The following DAB2 variants were observed in gnomAD, a reference collection of about 807,000 sequenced individuals.
DAB2 encodes DAB adaptor protein 2.
In DAB2, 28 loss-of-function variants were observed where a neutral mutation model predicts 71.6. That is an observed-to-expected ratio of 0.39 (90% CI 0.29 to 0.54). The LOEUF (loss-of-function observed/expected upper bound fraction) is 0.54, where lower values mean the gene tolerates loss of function less well. Ranked by LOEUF, DAB2 falls within the 20% of genes least tolerant of loss-of-function variation. The probability of loss-of-function intolerance (pLI) is 0.68; values close to 1 mark genes in which losing one functional copy is unlikely to be tolerated. For synonymous variants in DAB2, 345 were observed against 339.7 expected, an observed-to-expected ratio of 1.02 and a Z score of -0.17; for missense variants, 867 against 928.8, an observed-to-expected ratio of 0.93 and a Z score of 0.86.
At chr5:39,404,297 T>C (rs988130286) in intron 1 of DAB2, among the ~76,000 whole-genome samples, 31 of 148,698 alleles carry the variant, frequency 2.1e-4, no homozygotes, top group African/African-American at 7.2e-4. Flanking sequence ...TAATGTTAAA[T>C]GACGAGTTGA....
intron 12 of DAB2, 68 bp downstream of exon 12, chr5:39,376,582 A>G: frequency 1.9e-6 from 3 of 1,547,006 alleles, no homozygotes; most frequent in Non-Finnish European, 8.8e-7. Context: ...CATTTGGGGA[A>G]CTCATTTAGG....
In DAB2 at chr5:39,376,651, A is replaced by G. The variant is rs1337164977; in HGVS notation, c.2136T>C (p.Asn712=). ...TAGGCAGAGTGGTGAGTGGCTTACCATTGATCTTGTTCAATAGTTGATTAG... is the reference window on the plus strand; with the variant it reads ...TAGGCAGAGTGGTGAGTGGCTTACCGTTGATCTTGTTCAATAGTTGATTAG... ...FDANQLLNKI[N]EPPKPAPRQV... is the part of the protein sequence containing the mutation. The change falls in exon 12 of 15, where the codon AAT becomes AAC. Residue 712 remains asparagine (N), a splice_region_variant and synonymous_variant. Coordinates refer to ENST00000320816, the MANE Select transcript of DAB2 (RefSeq NM_001343.4). 3 of 1,613,600 alleles carry G rather than the reference A, an allele frequency of 1.9e-6. No individual in the cohort carries two copies. Among genetic ancestry groups the G allele is most frequent in the Admixed American group, 3.3e-5 (2 of 60,010 alleles).
At chr5:39,387,057 TA>T (rs1299279618) in intron 9 of DAB2, among the ~76,000 whole-genome samples, 1 of 152,204 alleles carries the variant, frequency 6.6e-6, no homozygotes, top group East Asian at 1.9e-4. Context: ...AAAGGCATTT[TA>T]GAATGCTACC....
In DAB2 at chr5:39,375,150, GA is replaced by G. The variant is rs1754795323; in HGVS notation, c.2248-67del. ...GTCATAAGAAAAAAATCGCAATGAA[GA>G]CTTCCAAAATTCTTTTAAAAATCGC... On this transcript the variant is annotated intron_variant, in intron 13 of 14. Transcript: ENST00000320816. 5 of 1,200,094 alleles carry G rather than the reference GA, an allele frequency of 4.2e-6. No homozygotes were observed. The East Asian group carries it at 1.2e-4, about 28-fold the overall frequency. The allele number at this position is 1,200,094 out of a possible 1,614,324, so 74.3% of individuals were successfully genotyped here.
intron 1 of DAB2, among the ~76,000 whole-genome samples, chr5:39,401,461 T>G (rs1755496873): frequency 6.6e-6 from 1 of 152,116 alleles, no homozygotes; most frequent in Non-Finnish European, 1.5e-5. Flanking sequence ...TAACTTTGGG[T>G]AGAGGTGGGA....
At chr5:39,390,032 T>C (rs1755189690) in intron 5 of DAB2, 100 bp from the exon 6 acceptor site, 6 of 829,716 alleles carry the variant, frequency 7.2e-6, no homozygotes, top group African/African-American at 5.3e-5. Flanking sequence ...TTTTTTTTAA[T>C]CTTAAAACGC....
At chr5:39,393,493 T>G in intron 2 of DAB2, 100 bp from the exon 3 acceptor site, 4 of 1,184,512 alleles carry the variant, frequency 3.4e-6, no homozygotes, top group Non-Finnish European at 3.6e-6. Flanking sequence ...ATCCTGATTA[T>G]ACTACAACTG....
At position 39,393,398 on chromosome 5, in the gene DAB2, G is replaced by C. The variant is rs1179102694; in HGVS notation, c.92-5C>G. 1 of 1,613,544 alleles carries C rather than the reference G, an allele frequency of 6.2e-7. No homozygotes were observed. Among genetic ancestry groups the C allele is most frequent in the East Asian group, 2.2e-5 (1 of 44,848 alleles). ...ATTCATCTGTCTTTTCAGGGCCTGA[G>C]AAAAGAAAGGAATACAGGATGAAGA... On this transcript the variant is annotated splice_polypyrimidine_tract_variant and splice_region_variant and intron_variant, in intron 2 of 14. Transcript: ENST00000320816.
At chr5:39,394,179 G>T (rs369213992) in intron 2 of DAB2, 51 bp downstream of exon 2, 8 of 1,415,336 alleles carry the variant, frequency 5.7e-6, no homozygotes, top group South Asian at 1.2e-5. Context: ...ATTTCTCCAG[G>T]GGTAACCATC....
rs760327528 is a variant in DAB2, at chr5:39,376,716, C to T, written c.2071G>A (p.Gly691Ser). 1.5e-5 allele frequency: 24 copies of T among 1,614,004 alleles called. No homozygotes were observed. The highest frequency in any genetic ancestry group is 1.9e-5 in the Non-Finnish European group (23 of 1,180,018). ...TGGTCTGCATTCTCCTGAGGAATGC[C>T]AACCTTGCTGTTGAAATAACTGGCA... ...AFASYFNSKV[G>S]IPQENADHDD... Residue 691 changes from glycine (G) to serine (S), a missense_variant, in exon 12 of 15, where the codon GGC (glycine) becomes AGC (serine). Around this residue, in one of 2 missense-constraint regions of DAB2, gnomAD observed 740 missense variants for 734.3 expected, o/e 1.01. Coordinates refer to ENST00000320816, the MANE Select transcript of DAB2 (RefSeq NM_001343.4).
chr5:39,382,666 G>A lies in DAB2; in HGVS notation c.1293C>T (p.Ile431=). 1.9e-6 allele frequency: 3 copies of A among 1,614,120 alleles called. No individual in the cohort carries two copies. The highest frequency in any genetic ancestry group is 2.5e-6 in the Non-Finnish European group (3 of 1,179,978). The change falls in exon 10 of 15, where the codon ATC becomes ATT. Residue 431 remains isoleucine (I), a synonymous_variant. Transcript: ENST00000320816. ...QSSPHDSIAI[I]PPPQSTKPGR... ...CTGGTTTGGTACTTTGTGGAGGTGG[G>A]ATAATGGCTATGGAGTCATGTGGTG... is the stretch of plus-strand genomic sequence containing the variant.
At position 39,382,756 on chromosome 5, in the gene DAB2, G is replaced by T. The variant is rs1561367310; in HGVS notation, c.1203C>A (p.Ser401Arg). The T allele has an allele frequency of 6.2e-7, 1 of 1,614,146 alleles. No homozygotes were observed. The highest frequency in any genetic ancestry group is 2.2e-5 in the East Asian group (1 of 44,876). The change falls in exon 10 of 15, where the codon AGC becomes AGA. Residue 401 changes from serine to arginine, a missense_variant. Physicochemically the swap from Ser to Arg is moderately radical, Grantham distance 110. This residue lies in a region of DAB2 where 740 missense variants were observed against 734.3 expected (regional missense o/e 1.01). Transcript: ENST00000320816. ...TCTGTATGGACAGTCCTTTGGGAGG[G>T]CTTCCCACAAAAGGGTTCGGGGAGG... Reference protein sequence around the residue: ...VKSSPNPFVGSPPKGLSIQNG... With the variant: ...VKSSPNPFVGRPPKGLSIQNG...
chr5:39,419,728 T>C (rs985729075), intron 1 of DAB2, among the ~76,000 whole-genome samples: 1 of 152,146 alleles, frequency 6.6e-6, no homozygotes, highest in Non-Finnish European at 1.5e-5. Flanking sequence ...TGAAGATTAA[T>C]TATACTCTTT....
At chr5:39,388,116 G>A (rs1394731730) in intron 9 of DAB2, 189 bp downstream of exon 9, 1 of 556,736 alleles carries the variant, frequency 1.8e-6, no homozygotes, top group Non-Finnish European at 3.2e-6. Flanking sequence ...TAATATAACT[G>A]AATTAGTGTG....
At position 39,418,152 on chromosome 5, in the gene DAB2, C is replaced by T. The variant is rs570731466; in HGVS notation, c.-102+6652G>A. ...TAACTAAAGCACAGCTGACCCTTCCCTTTAAAGGATGGATATTTGAGCACC... is the reference window on the plus strand; with the variant it reads ...TAACTAAAGCACAGCTGACCCTTCCTTTTAAAGGATGGATATTTGAGCACC... On this transcript the variant is annotated intron_variant, in intron 1 of 14. Transcript: ENST00000320816. The T allele has an allele frequency of 5.3e-5, 8 of 152,308 alleles. No individual in the cohort carries two copies. In the East Asian group the frequency reaches 1.2e-3, roughly 22 times the overall value. 9.4% of individuals were successfully genotyped at this position (152,308 alleles called of 1,614,324 possible). A position where few individuals can be genotyped will look rare whatever the true frequency, so the allele number is the denominator to read the frequency against.
At chr5:39,378,209 C>T (rs1325503464) in intron 11 of DAB2, among the ~76,000 whole-genome samples, 2 of 152,242 alleles carry the variant, frequency 1.3e-5, no homozygotes, top group African/African-American at 4.8e-5. Context: ...ATCCAGGCCT[C>T]TCCAATGATG....
At chr5:39,421,059 G>C (rs1385432757) in intron 1 of DAB2, among the ~76,000 whole-genome samples, 4 of 152,208 alleles carry the variant, frequency 2.6e-5, no homozygotes, top group African/African-American at 7.2e-5. Context: ...AGTCTGAGAG[G>C]GTGTGGGGAG....
intron 1 of DAB2, among the ~76,000 whole-genome samples, chr5:39,407,162 C>G (rs1470937182): frequency 1.3e-5 from 2 of 152,170 alleles, no homozygotes; most frequent in East Asian, 3.9e-4. Context: ...CCTTTCTAAG[C>G]TAGGTTAGAT....
chr5:39,420,376 G>A (rs1755951898), intron 1 of DAB2, among the ~76,000 whole-genome samples: 1 of 152,128 alleles, frequency 6.6e-6, no homozygotes. Context: ...ATTTCTTCTA[G>A]GTTGAAAGGT....
Sources: gnomAD v4.1 joint callset for allele counts (sites outside exome capture counted in the v4.1 genomes callset) on GRCh38, gnomAD v4.1.1 for gene constraint, gnomAD v4.1.1 regional missense constraint, MANE v1.5 for transcripts, NCBI Gene and HGNC (gene_info 2026-07-23, HGNC 2026-07-21) for gene names.